ACLY: variants seen among roughly 807,000 people sequenced by gnomAD.
The protein encoded by ACLY is ATP citrate lyase.
Under a neutral mutation model 133.0 loss-of-function variants are expected in ACLY, and 41 were observed. That is an observed-to-expected ratio of 0.31 (90% CI 0.24 to 0.40). The LOEUF (loss-of-function observed/expected upper bound fraction) is 0.40. Among genes scored for constraint, ACLY ranks in the 10% least tolerant of loss-of-function variants. The pLI, the probability that ACLY is intolerant of heterozygous loss-of-function variation, is 1.00. For synonymous variants in ACLY, 495 were observed against 549.3 expected, an observed-to-expected ratio of 0.90 and a Z score of 1.38; for missense variants, 1,046 against 1,453.8, an observed-to-expected ratio of 0.72 and a Z score of 4.56.
chr17:41,912,375 G>A, intron 3 of ACLY, 45 bp downstream of exon 3: 2 of 1,601,024 alleles, frequency 1.2e-6, no homozygotes, highest in Non-Finnish European at 1.7e-6. Context: ...GACCATATTT[G>A]CTTCTGTTAC....
Position 41,902,816 on chromosome 17 carries a change from G to A in ACLY, c.1066-1003C>T, listed in dbSNP as rs112607038. 5.5e-3 allele frequency among the ~76,000 whole-genome samples: 844 copies of A among 152,324 alleles called. 4 individuals carry two copies. The highest frequency in any genetic ancestry group is 9.6e-3 in the Non-Finnish European group (651 of 68,040). On this transcript the variant is annotated intron_variant, in intron 10 of 28. Coordinates refer to ENST00000352035, the MANE Select transcript of ACLY (RefSeq NM_001096.3). The stretch of plus-strand genomic sequence containing the variant: ...ACACCCTGTTTTGGGCAGGACTGAT[G>A]GGGTCTGGCCCCACATTTTATTTAT...
In ACLY at chr17:41,897,803, A is replaced by G. The variant is rs782159286; in HGVS notation, c.1375T>C (p.Ser459Pro). 5.6e-6 allele frequency: 9 copies of G among 1,613,562 alleles called. No homozygotes were observed. The highest frequency in any genetic ancestry group is 7.6e-6 in the Non-Finnish European group (9 of 1,179,854). ...APSRTASFSE[S>P]RADEVAPAKK... Reference sequence around the variant, plus strand: ...GCAGGCGCCACCTCATCGGCCCTGGACTCAGAAAAAGATGCTGTCCTGCTG... The same window carrying G: ...GCAGGCGCCACCTCATCGGCCCTGGGCTCAGAAAAAGATGCTGTCCTGCTG... The change falls in exon 13 of 29, where the codon TCC becomes CCC. Residue 459 changes from serine to proline, a missense_variant. This residue lies in a region of ACLY where 575 missense variants were observed against 804.2 expected (regional missense o/e 0.71). Coordinates refer to ENST00000352035, the MANE Select transcript of ACLY (RefSeq NM_001096.3).
intron 20 of ACLY, among the ~76,000 whole-genome samples, chr17:41,880,865 CAA>C (rs782218481): frequency 8.2e-6 from 1 of 121,700 alleles, no homozygotes. Flanking sequence ...GACTCCGTCT[CAA>C]AAAAAAAAAA....
At chr17:41,921,446 C>A (rs186827335), upstream of ACLY, among the ~76,000 whole-genome samples, 2 of 148,410 alleles carry the variant, frequency 1.3e-5, no homozygotes, top group East Asian at 4.0e-4. Context: ...ATTGTGCACT[C>A]CAGCCTGGGC....
At chr17:41,919,059 C>A (rs993035210), upstream of ACLY, 1 of 1,256,078 alleles carries the variant, frequency 8.0e-7, no homozygotes, top group Non-Finnish European at 1.0e-6. Context: ...CACGCGTTCC[C>A]TAGCCTGAGC....
chr17:41,918,966 C>T (rs1555634999), upstream of ACLY: 2 of 1,289,012 alleles, frequency 1.6e-6, no homozygotes, highest in South Asian at 2.5e-5. Context: ...GGTAGCTTCC[C>T]GGGATCCGGC....
chr17:41,871,053 C>T (rs1269511583), intron 25 of ACLY, among the ~76,000 whole-genome samples: 3 of 152,164 alleles, frequency 2.0e-5, no homozygotes, highest in African/African-American at 7.2e-5. Flanking sequence ...TATTATCTAG[C>T]CGAAGGTGAC....
Position 41,917,295 on chromosome 17 carries a change from G to C in ACLY, c.-24+1585C>G, listed in dbSNP as rs1449220046. ...AGTAACAGATGATTGGGCTGAGCTT[G>C]GACTCCAGGAACTGTTACTTGGTAA... On this transcript the variant is annotated intron_variant, in intron 1 of 28. Coordinates refer to ENST00000352035, the MANE Select transcript of ACLY (RefSeq NM_001096.3). 2.0e-5 allele frequency among the ~76,000 whole-genome samples: 3 copies of C among 152,136 alleles called. No individual in the cohort carries two copies. In the East Asian group the frequency reaches 5.8e-4, roughly 29 times the overall value.
upstream of ACLY, chr17:41,919,170 T>A: frequency 1.1e-6 from 1 of 906,546 alleles, no homozygotes; most frequent in Non-Finnish European, 1.4e-6. Flanking sequence ...ATCCACCGCC[T>A]CTTGGGAGCC....
Position 41,867,215 on chromosome 17 carries a change from T to A in ACLY, c.*595A>T, listed in dbSNP as rs2048490050. 6.6e-6 allele frequency: 1 copy of A among 152,554 alleles called. No individual in the cohort carries two copies. The highest frequency in any genetic ancestry group is 6.6e-5 in the Admixed American group (1 of 15,254). 9.5% of individuals were successfully genotyped at this position (152,554 alleles called of 1,614,324 possible). ...AATGGCTAAGGATGCAATGGCCCCA[T>A]CCCCCTGACATAAACAGACTCTGGT... is the stretch of plus-strand genomic sequence containing the variant. On this transcript the variant is annotated 3_prime_UTR_variant, in exon 29 of 29. Transcript: ENST00000352035.
Position 41,874,012 on chromosome 17 carries a change from C to T in ACLY, c.2488-47G>A, listed in dbSNP as rs782209089. On this transcript the variant is annotated intron_variant, in intron 22 of 28. Coordinates refer to ENST00000352035, the MANE Select transcript of ACLY (RefSeq NM_001096.3). ...GGAAGCAGGGCCCTGGTGACCACCACAGATTTTTCCAGGACTGCCCTGCTG... is the reference window on the plus strand; with the variant it reads ...GGAAGCAGGGCCCTGGTGACCACCATAGATTTTTCCAGGACTGCCCTGCTG... The T allele has an allele frequency of 3.9e-6, 6 of 1,533,514 alleles. No individual in the cohort carries two copies. The South Asian group carries it at 7.4e-5, about 19-fold the overall frequency. 95.0% of individuals were successfully genotyped at this position (1,533,514 alleles called of 1,614,324 possible).
At chr17:41,930,517 C>A (rs187889179) in exon 1 of ACLY, 4 of 520,036 alleles carry the variant, frequency 7.7e-6, no homozygotes, top group African/African-American at 3.9e-5. Flanking sequence ...ACGCAATCAT[C>A]ACTCCCTGGC....
Position 41,869,512 on chromosome 17 carries a change from C to G in ACLY, c.3013G>C (p.Asp1005His). ...ATCTTCTCTACTTCCAGTGCATAAT[C>G]GAGCAGAGGAGTGGCAGGGAAGTGC... ...RQHFPATPLL[D>H]YALEVEKITT... The change falls in exon 26 of 29, where the codon GAT (aspartate) becomes CAT (histidine). Residue 1005 changes from aspartate (D) to histidine (H), a missense_variant. Asp to His is a moderately conservative substitution (Grantham distance 81). Coordinates refer to ENST00000352035, the MANE Select transcript of ACLY (RefSeq NM_001096.3). 2 of 1,614,092 alleles carry G rather than the reference C, an allele frequency of 1.2e-6. No homozygotes were observed. The highest frequency in any genetic ancestry group is 2.2e-5 in the South Asian group (2 of 91,070).
chr17:41,886,650 G>T (rs1555628193), intron 17 of ACLY, among the ~76,000 whole-genome samples: 1 of 152,040 alleles, frequency 6.6e-6, no homozygotes, highest in African/African-American at 2.4e-5. Context: ...GTAAAAATAA[G>T]CCAGGTGTGG....
At chr17:41,892,249 C>A in intron 16 of ACLY, 30 bp downstream of exon 16, 3 of 285,064 alleles carry the variant, frequency 1.1e-5, no homozygotes, top group African/African-American at 2.9e-5. Flanking sequence ...ATGGTCCCCA[C>A]CCCCCACCCT....
chr17:41,891,551 C>CT (rs879972776), intron 16 of ACLY, among the ~76,000 whole-genome samples: 109 of 144,732 alleles, frequency 7.5e-4, no homozygotes, highest in African/African-American at 9.3e-4. Context: ...CCAGCTAATT[C>CT]TTTTTTTTTT....
At chr17:41,893,856 T>C (rs1385992843) in intron 14 of ACLY, among the ~76,000 whole-genome samples, 1 of 152,184 alleles carries the variant, frequency 6.6e-6, no homozygotes, top group African/African-American at 2.4e-5. Flanking sequence ...TTCTCCCTTC[T>C]ACCAGGTGGC....
In ACLY at chr17:41,886,153, G is replaced by T. The variant is rs781904033; in HGVS notation, c.2031C>A (p.Thr677=). 4 of 1,613,986 alleles carry T rather than the reference G, an allele frequency of 2.5e-6. No individual in the cohort carries two copies. In the African/African-American group the frequency reaches 5.3e-5, roughly 22 times the overall value. The part of the protein sequence containing the change: ...SNELNNIISR[T]TDGVYEGVAI... ...CCACGCCCTCATAGACGCCATCCGT[G>T]GTCCGAGAGATGATATTGTTGAGCT... The change falls in exon 18 of 29, where the codon ACC becomes ACA. Residue 677 remains threonine (T), a synonymous_variant. Transcript: ENST00000352035.
chr17:41,888,503 G>T (rs896402413), intron 16 of ACLY, among the ~76,000 whole-genome samples: 60 of 152,366 alleles, frequency 3.9e-4, no homozygotes, highest in Admixed American at 3.9e-3. Flanking sequence ...TCAGCCCAGA[G>T]GCGGGGTGGG....
Sources: gnomAD v4.1 joint callset for allele counts (sites outside exome capture counted in the v4.1 genomes callset) on GRCh38, gnomAD v4.1.1 for gene constraint, gnomAD v4.1.1 regional missense constraint, MANE v1.5 for transcripts, NCBI Gene and HGNC (gene_info 2026-07-23, HGNC 2026-07-21) for gene names.